KCNQ3: variants seen among roughly 807,000 people sequenced by gnomAD.
KCNQ3 encodes the protein potassium voltage-gated channel subfamily Q member 3.
KCNQ3 carries 30 observed loss-of-function variants against 92.5 expected under a neutral mutation model. That is an observed-to-expected ratio of 0.32 (90% confidence interval 0.24 to 0.44). KCNQ3 has a LOEUF of 0.44. Ranked by LOEUF, KCNQ3 falls within the 20% of genes least tolerant of loss-of-function variation. KCNQ3 has a pLI of 1.00. For missense variants in KCNQ3, 913 were observed against 1,140.3 expected, an observed-to-expected ratio of 0.80 and a Z score of 2.87; for synonymous variants, 450 against 468.8, an observed-to-expected ratio of 0.96 and a Z score of 0.52.
intron 1 of KCNQ3, among the ~76,000 whole-genome samples, chr8:132,427,287 A>G (rs959772091): frequency 3.9e-5 from 6 of 152,162 alleles, no homozygotes; most frequent in Non-Finnish European, 8.8e-5. Flanking sequence ...GGTTCTAGTC[A>G]GTCTCCTTCT....
intron 1 of KCNQ3, among the ~76,000 whole-genome samples, chr8:132,459,583 C>A (rs964326632): frequency 1.3e-5 from 2 of 152,136 alleles, no homozygotes; most frequent in Non-Finnish European, 2.9e-5. Context: ...AGGGATCTAA[C>A]CCCATGACCC....
chr8:132,177,876 G>T (rs76706098), intron 4 of KCNQ3, among the ~76,000 whole-genome samples: 1 of 152,132 alleles, frequency 6.6e-6, no homozygotes, highest in Non-Finnish European at 1.5e-5. Context: ...CACAGCTTTC[G>T]GGAGGACTCA....
In KCNQ3 at chr8:132,155,711, T is replaced by C. The variant is rs1013378196; in HGVS notation, c.1262+7757A>G. Among the ~76,000 whole-genome samples, 5 of 152,278 alleles carry C rather than the reference T, an allele frequency of 3.3e-5. No individual in the cohort carries two copies. The South Asian group carries it at 6.2e-4, about 19-fold the overall frequency. On this transcript the variant is annotated intron_variant, in intron 9 of 14. Coordinates refer to ENST00000388996, the MANE Select transcript of KCNQ3 (RefSeq NM_004519.4). ...TTCTACTATTGTGGCTGGAAACTTA[T>C]AGCACAAAGGACCTGAAGCGGCTTG...
At chr8:132,368,991 T>C (rs1819399280) in intron 1 of KCNQ3, among the ~76,000 whole-genome samples, 1 of 152,240 alleles carries the variant, frequency 6.6e-6, no homozygotes, top group Non-Finnish European at 1.5e-5. Flanking sequence ...CTCTAGACTA[T>C]GACAGTTTTT....
At chr8:132,316,992 C>T (rs1817761787) in intron 1 of KCNQ3, among the ~76,000 whole-genome samples, 1 of 152,192 alleles carries the variant, frequency 6.6e-6, no homozygotes, top group Non-Finnish European at 1.5e-5. Flanking sequence ...TCCTTAAGGA[C>T]AATTTACACA....
At chr8:132,320,398 T>C (rs568435314) in intron 1 of KCNQ3, among the ~76,000 whole-genome samples, 27 of 152,258 alleles carry the variant, frequency 1.8e-4, no homozygotes, top group Admixed American at 1.4e-3. Context: ...TCTATGGAGA[T>C]GGTCTTTCTT....
chr8:132,286,242 C>G (rs1405007077), intron 1 of KCNQ3, among the ~76,000 whole-genome samples: 1 of 152,224 alleles, frequency 6.6e-6, no homozygotes, highest in Non-Finnish European at 1.5e-5. Flanking sequence ...GGATGTAACT[C>G]TACCCAGAGA....
intron 1 of KCNQ3, among the ~76,000 whole-genome samples, chr8:132,423,178 G>A (rs1313724522): frequency 6.6e-6 from 1 of 152,176 alleles, no homozygotes; most frequent in Non-Finnish European, 1.5e-5. Context: ...GGGTAACACA[G>A]TGTGTATGTC....
intron 1 of KCNQ3, among the ~76,000 whole-genome samples, chr8:132,191,660 A>G (rs114561396): frequency 0.021 from 3,132 of 149,936 alleles, 121 homozygotes; most frequent in African/African-American, 0.073. Flanking sequence ...ATAAATCTCC[A>G]TATCTCTGTC....
At position 132,134,352 on chromosome 8, in the gene KCNQ3, C is replaced by T. The variant is rs574981327; in HGVS notation, c.1737G>A (p.Thr579=). 4.8e-5 allele frequency: 77 copies of T among 1,613,760 alleles called. No homozygotes were observed. Among genetic ancestry groups the T allele is most frequent in the Non-Finnish European group, 5.6e-5 (66 of 1,179,820 alleles). ...CTTTCTGAGACTTCTTGTGTTTTGG[C>T]GTGGAGGGAGGTCCAGGGGTGAAAA... ...DMIFTPGPPS[T]PKHKKSQKGS... The change falls in exon 13 of 15, where the codon ACG becomes ACA. Residue 579 remains threonine, a synonymous_variant. Transcript: ENST00000388996.
chr8:132,282,254 T>A (rs868560745), intron 1 of KCNQ3, among the ~76,000 whole-genome samples: 1 of 152,198 alleles, frequency 6.6e-6, no homozygotes, highest in Non-Finnish European at 1.5e-5. Context: ...CATGAGATGA[T>A]CCTCTGAGAG....
At chr8:132,349,431 A>C (rs1228223371) in intron 1 of KCNQ3, among the ~76,000 whole-genome samples, 1 of 152,260 alleles carries the variant, frequency 6.6e-6, no homozygotes, top group East Asian at 1.9e-4. Context: ...CAGAAAGAGA[A>C]GAGAGAAAGA....
chr8:132,425,661 G>A (rs568312652), intron 1 of KCNQ3, among the ~76,000 whole-genome samples: 35 of 152,240 alleles, frequency 2.3e-4, no homozygotes, highest in Non-Finnish European at 4.9e-4. Flanking sequence ...TTACATGCAC[G>A]CAGGAAGTTT....
At position 132,370,018 on chromosome 8, in the gene KCNQ3, T is replaced by C. The variant is rs141936034; in HGVS notation, c.386+110129A>G. ...CTCTCTTGCTGGAATTCCACTCATC[T>C]TTTAAGACTTGGTGGAAACCTCTGC... On this transcript the variant is annotated intron_variant, in intron 1 of 14. Coordinates refer to ENST00000388996, the MANE Select transcript of KCNQ3 (RefSeq NM_004519.4). Among the ~76,000 whole-genome samples the C allele has an allele frequency of 7.2e-3, 1,097 of 152,286 alleles. 6 individuals carry two copies. The highest frequency in any genetic ancestry group is 0.017 in the Middle Eastern group (5 of 294).
chr8:132,209,509 T>G (rs762834294), intron 1 of KCNQ3, among the ~76,000 whole-genome samples: 2 of 151,470 alleles, frequency 1.3e-5, no homozygotes, highest in Non-Finnish European at 2.9e-5. Context: ...CATTTTTTTG[T>G]ATAATGTACG....
chr8:132,312,082 G>A (rs760746761), intron 1 of KCNQ3, among the ~76,000 whole-genome samples: 11 of 152,204 alleles, frequency 7.2e-5, no homozygotes, highest in Non-Finnish European at 1.2e-4. Context: ...CAGCAGCAAG[G>A]AAGAGTCAGG....
chr8:132,219,463 C>T (rs1298966706), intron 1 of KCNQ3, among the ~76,000 whole-genome samples: 1 of 152,116 alleles, frequency 6.6e-6, no homozygotes, highest in Non-Finnish European at 1.5e-5. Flanking sequence ...CCTCACTATC[C>T]CCACTGGACC....
intron 1 of KCNQ3, among the ~76,000 whole-genome samples, chr8:132,387,743 G>T (rs1279894872): frequency 6.6e-6 from 1 of 152,140 alleles, no homozygotes; most frequent in Non-Finnish European, 1.5e-5. Flanking sequence ...GATCAGGCCT[G>T]CAATCTCAGC....
At chr8:132,409,831 C>A (rs941566877) in intron 1 of KCNQ3, among the ~76,000 whole-genome samples, 4 of 152,160 alleles carry the variant, frequency 2.6e-5, no homozygotes, top group Non-Finnish European at 4.4e-5. Flanking sequence ...ACTGGCCTTG[C>A]CTGATGCCCA....
Sources: allele counts gnomAD v4.1 joint callset (sites outside exome capture counted in the v4.1 genomes callset), GRCh38; gene constraint gnomAD v4.1.1; transcripts MANE v1.5; gene names NCBI Gene and HGNC (gene_info 2026-07-23, HGNC 2026-07-21).